RALGAPA2: variants seen among roughly 807,000 people sequenced by gnomAD.
RALGAPA2 encodes the protein Ral GTPase activating protein catalytic subunit alpha 2.
Under a neutral mutation model 230.4 loss-of-function variants are expected in RALGAPA2, and 139 were observed. The ratio of observed to expected loss-of-function variants is 0.60; its 90% CI spans 0.53 to 0.69. RALGAPA2 has a LOEUF of 0.69. Among genes scored for constraint, RALGAPA2 ranks in the 30% least tolerant of loss-of-function variants. The pLI, the probability that RALGAPA2 is intolerant of heterozygous loss-of-function variation, is 0.00. For missense variants in RALGAPA2, 2,163 were observed against 2,276.0 expected (o/e 0.95, Z 1.01); for synonymous variants, 847 against 837.8 (o/e 1.01, Z -0.19).
chr20:20,455,562 G>C lies in RALGAPA2; in HGVS notation c.5495+17267C>G, dbSNP rs183641788. Among the ~76,000 whole-genome samples the C allele has an allele frequency of 2.6e-3, 399 of 152,280 alleles. 1 individual carries two copies. Among genetic ancestry groups the C allele is most frequent in the African/African-American group, 8.1e-3 (336 of 41,566 alleles). ...TTCCTATGGTCTTCCAAGGCAGAAC[G>C]GACAAACCACTGCCACAGAGGACTG... On this transcript the variant is annotated intron_variant, in intron 37 of 39. Transcript: ENST00000202677.
chr20:20,688,160 G>C (rs2068771217), intron 1 of RALGAPA2, among the ~76,000 whole-genome samples: 1 of 152,116 alleles, frequency 6.6e-6, no homozygotes, highest in Admixed American at 6.5e-5. Context: ...CATTATTAAA[G>C]AGAAATTCAC....
intron 3 of RALGAPA2, among the ~76,000 whole-genome samples, chr20:20,675,639 TA>T (rs1308533836): frequency 1.3e-5 from 2 of 152,120 alleles, no homozygotes; most frequent in Admixed American, 1.3e-4. Flanking sequence ...ACTTTAAGCT[TA>T]ATAAGTCAAA....
intron 1 of RALGAPA2, among the ~76,000 whole-genome samples, chr20:20,711,352 G>A (rs3748441): frequency 0.083 from 12,671 of 152,176 alleles, 778 homozygotes; most frequent in East Asian, 0.16. Context: ...TGTGAATTTT[G>A]GGACTAAAAG....
At chr20:20,475,585 A>G (rs1488771586) in intron 36 of RALGAPA2, among the ~76,000 whole-genome samples, 1 of 152,196 alleles carries the variant, frequency 6.6e-6, no homozygotes, top group African/African-American at 2.4e-5. Flanking sequence ...CAGGAATAGA[A>G]GGGAAATGCC....
At position 20,495,172 on chromosome 20, in the gene RALGAPA2, A is replaced by T. The variant is rs2062169203; in HGVS notation, c.5312T>A (p.Ile1771Asn). 6.2e-7 allele frequency: 1 copy of T among 1,611,734 alleles called. No homozygotes were observed. The change falls in exon 36 of 40, where the codon ATT becomes AAT. Residue 1771 changes from isoleucine to asparagine, a missense_variant. Transcript: ENST00000202677. ...IPTAFGDVSI[I>N]IYPMKNHMFF... The stretch of plus-strand genomic sequence containing the variant: ...CATGTGATTCTTCATTGGGTAAATA[A>T]TGATTGAAACATCTCCAAAGGCAGT...
At position 20,629,473 on chromosome 20, in the gene RALGAPA2, A is replaced by C. The variant is rs767125897; in HGVS notation, c.1123T>G (p.Ser375Ala). ...STLSDRRLSN[S>A]SLCSIEEEHR... ...TCTTCTTCAATGCTACAGAGGCTGGAGTTGCTGAGTCTTCGGTCCGACAAG... is the reference window on the plus strand; with the variant it reads ...TCTTCTTCAATGCTACAGAGGCTGGCGTTGCTGAGTCTTCGGTCCGACAAG... The change falls in exon 10 of 40, where the codon TCC becomes GCC. Residue 375 changes from serine to alanine, a missense_variant. Transcript: ENST00000202677. The C allele has an allele frequency of 6.2e-7, 1 of 1,613,932 alleles. No homozygotes were observed. Among genetic ancestry groups the C allele is most frequent in the South Asian group, 1.1e-5 (1 of 91,082 alleles).
intron 13 of RALGAPA2, among the ~76,000 whole-genome samples, 165 bp downstream of exon 13, chr20:20,615,878 A>G (rs2066125966): frequency 6.6e-6 from 1 of 152,252 alleles, no homozygotes; most frequent in Admixed American, 6.5e-5. Flanking sequence ...GATCTGTCAA[A>G]GTACTGGGTA....
chr20:20,510,621 A>G (rs775838968), intron 33 of RALGAPA2, among the ~76,000 whole-genome samples: 15 of 152,052 alleles, frequency 9.9e-5, no homozygotes, highest in Non-Finnish European at 2.1e-4. Flanking sequence ...ACCAAGTCCT[A>G]TACTTATTCT....
At chr20:20,544,549 T>C (rs1487552858) in intron 24 of RALGAPA2, among the ~76,000 whole-genome samples, 2 of 152,176 alleles carry the variant, frequency 1.3e-5, no homozygotes, top group African/African-American at 4.8e-5. Flanking sequence ...TAAATCATGC[T>C]GCTATAAAGA....
At chr20:20,517,816 T>C (rs1349677184) in intron 31 of RALGAPA2, among the ~76,000 whole-genome samples, 1 of 130,546 alleles carries the variant, frequency 7.7e-6, no homozygotes, top group Non-Finnish European at 1.7e-5. Context: ...AAAAAGAAAT[T>C]AAAAAAAAAA....
chr20:20,543,097 T>G (rs2063692608), intron 24 of RALGAPA2, among the ~76,000 whole-genome samples: 1 of 151,946 alleles, frequency 6.6e-6, no homozygotes, highest in African/African-American at 2.4e-5. Context: ...CAGGCTAGAG[T>G]GCAGTGGTGC....
intron 37 of RALGAPA2, among the ~76,000 whole-genome samples, chr20:20,453,488 T>G (rs933779276): frequency 2.0e-5 from 3 of 152,208 alleles, no homozygotes; most frequent in African/African-American, 4.8e-5. Context: ...CATCTGAAGC[T>G]CCAAGATCAC....
At chr20:20,450,282 A>C (rs1049797740) in intron 37 of RALGAPA2, among the ~76,000 whole-genome samples, 4 of 152,224 alleles carry the variant, frequency 2.6e-5, no homozygotes, top group Non-Finnish European at 5.9e-5. Flanking sequence ...ATTTAAACTT[A>C]ATATTTTCAC....
At chr20:20,541,170 C>T (rs533245570) in intron 24 of RALGAPA2, among the ~76,000 whole-genome samples, 1 of 149,864 alleles carries the variant, frequency 6.7e-6, no homozygotes, top group South Asian at 2.1e-4. Flanking sequence ...AGGTAATTAT[C>T]TCACTGTGAT....
At chr20:20,642,732 A>AG (rs1380917695) in intron 5 of RALGAPA2, among the ~76,000 whole-genome samples, 36 of 152,286 alleles carry the variant, frequency 2.4e-4, no homozygotes, top group African/African-American at 8.4e-4. Context: ...CAGTGACGCT[A>AG]GGAATAACTC....
At chr20:20,427,160 C>G (rs928068) in intron 37 of RALGAPA2, among the ~76,000 whole-genome samples, 93,238 of 151,802 alleles carry the variant, frequency 0.61, 28,666 homozygotes, top group African/African-American at 0.67. Flanking sequence ...CTACTCACTG[C>G]TGTTTTCATA....
In RALGAPA2 at chr20:20,512,525, G is replaced by T; in HGVS notation, c.4844C>A (p.Ser1615Tyr). The T allele has an allele frequency of 6.2e-7, 1 of 1,601,880 alleles. No homozygotes were observed. Among genetic ancestry groups the T allele is most frequent in the Non-Finnish European group, 8.5e-7 (1 of 1,175,366 alleles). The change falls in exon 32 of 40, where the codon TCT becomes TAT. Residue 1615 changes from serine (S) to tyrosine (Y), a missense_variant. By Grantham distance (144) the Ser-to-Tyr change is moderately radical. Coordinates refer to ENST00000202677, the MANE Select transcript of RALGAPA2 (RefSeq NM_020343.4). ...RLLLDDLGMN[S>Y]WDRRKNFHLL... is the part of the protein sequence containing the mutation. ...CTTGGATTGTTACCTTCTGTCCCAAGAATTCATTCCCAAGTCATCAAGCAA... is the reference window on the plus strand; with the variant it reads ...CTTGGATTGTTACCTTCTGTCCCAATAATTCATTCCCAAGTCATCAAGCAA...
intron 38 of RALGAPA2, among the ~76,000 whole-genome samples, chr20:20,405,628 CAAGGTG>C (rs2059929572): frequency 6.6e-6 from 1 of 152,220 alleles, no homozygotes; most frequent in African/African-American, 2.4e-5. Flanking sequence ...TGGTGCTAAA[CAAGGTG>C]ATCGATAATT....
At chr20:20,537,641 G>T (rs1408580870) in intron 24 of RALGAPA2, among the ~76,000 whole-genome samples, 1 of 137,426 alleles carries the variant, frequency 7.3e-6, no homozygotes, top group African/African-American at 2.7e-5. Context: ...AAAAAAAAAA[G>T]GCATTTCACT....
Sources: allele counts gnomAD v4.1 joint callset (sites outside exome capture counted in the v4.1 genomes callset), GRCh38; gene constraint gnomAD v4.1.1; transcripts MANE v1.5; gene names NCBI Gene and HGNC (gene_info 2026-07-23, HGNC 2026-07-21).